CTNND2: variants seen among roughly 807,000 people sequenced by gnomAD.
CTNND2 encodes the protein catenin delta 2.
In CTNND2, 22 loss-of-function variants were observed where a neutral mutation model predicts 144.4. The observed-to-expected ratio is 0.15, with a 90% CI of 0.11 to 0.22. CTNND2 has a LOEUF of 0.22. Among genes scored for constraint, CTNND2 ranks in the 10% least tolerant of loss-of-function variants. The pLI, the probability that CTNND2 is intolerant of heterozygous loss-of-function variation, is 1.00. For synonymous variants in CTNND2, 751 were observed against 695.6 expected, an observed-to-expected ratio of 1.08 and a Z score of -1.25; for missense variants, 1,353 against 1,618.8, an observed-to-expected ratio of 0.84 and a Z score of 2.82.
At chr5:11,332,348 G>T (rs1020067484) in intron 9 of CTNND2, among the ~76,000 whole-genome samples, 15 of 151,822 alleles carry the variant, frequency 9.9e-5, no homozygotes, top group African/African-American at 3.4e-4. Context: ...GAAAGGATCA[G>T]GATCCATGAG....
intron 1 of CTNND2, among the ~76,000 whole-genome samples, chr5:11,844,613 T>C (rs2126990269): frequency 6.6e-6 from 1 of 152,020 alleles, no homozygotes; most frequent in South Asian, 2.1e-4. Flanking sequence ...TTCTGGCATA[T>C]CCCAGAACTC....
intron 1 of CTNND2, among the ~76,000 whole-genome samples, chr5:11,898,012 C>T (rs1412096204): frequency 6.6e-6 from 1 of 152,176 alleles, no homozygotes; most frequent in Non-Finnish European, 1.5e-5. Context: ...GGAGATCATC[C>T]TCCCTGCAGA....
At chr5:11,148,938 AC>A (rs1307849285) in intron 12 of CTNND2, among the ~76,000 whole-genome samples, 1 of 152,220 alleles carries the variant, frequency 6.6e-6, no homozygotes, top group Non-Finnish European at 1.5e-5. Flanking sequence ...CTTAGGAGTG[AC>A]AGGGGTCAAG....
At chr5:11,624,379 A>T (rs934331320) in intron 2 of CTNND2, among the ~76,000 whole-genome samples, 1 of 152,166 alleles carries the variant, frequency 6.6e-6, no homozygotes, top group African/African-American at 2.4e-5. Context: ...AAAGAGGAAC[A>T]TGTGAAATGT....
intron 5 of CTNND2, among the ~76,000 whole-genome samples, chr5:11,410,045 C>T (rs566314660): frequency 2.0e-4 from 30 of 152,090 alleles, no homozygotes; most frequent in African/African-American, 7.0e-4. Flanking sequence ...CTATCATCTC[C>T]CCGTTTCCCA....
rs1325752474 is a variant in CTNND2 at position 11,104,631 on chromosome 5, T to C, written c.2464-5883A>G. 5.9e-5 allele frequency among the ~76,000 whole-genome samples: 9 copies of C among 152,152 alleles called. 1 individual carries two copies. Among genetic ancestry groups the C allele is most frequent in the Admixed American group, 5.9e-4 (9 of 15,280 alleles). ...ACTGTAAAAAGCCAGCGAGAAATGA[T>C]TCTTTGTGTTGATTCTTAGGAATTT... is the stretch of plus-strand genomic sequence containing the variant. On this transcript the variant is annotated intron_variant, in intron 14 of 21. Coordinates refer to ENST00000304623, the MANE Select transcript of CTNND2 (RefSeq NM_001332.4).
rs530514303 is a variant in CTNND2, at chr5:11,374,318, CAA to C, written c.1178-9430_1178-9429del. 6.1e-4 allele frequency among the ~76,000 whole-genome samples: 93 copies of C among 152,254 alleles called. No homozygotes were observed. The East Asian group carries it at 0.017, about 28-fold the overall frequency. On this transcript the variant is annotated intron_variant, in intron 7 of 21. Transcript: ENST00000304623. The stretch of plus-strand genomic sequence containing the variant: ...ACATAACTTGACATCAGACTTGTAA[CAA>C]AAGTCTTTTGACATGAGCATGTAAA...
rs111918321 is a variant in CTNND2, at chr5:11,304,318, CCACA to C, written c.1628+42050_1628+42053del. 2.1e-3 allele frequency among the ~76,000 whole-genome samples: 306 copies of C among 148,388 alleles called. 5 individuals are homozygous for C. The South Asian group carries it at 0.045, about 22-fold the overall frequency. On this transcript the variant is annotated intron_variant, in intron 9 of 21. Coordinates refer to ENST00000304623, the MANE Select transcript of CTNND2 (RefSeq NM_001332.4). Reference sequence around the variant, plus strand: ...CATAAATGCATTACACACGGACACACCACACACACACACACACACACTCTTTCTC... The same window carrying C: ...CATAAATGCATTACACACGGACACACCACACACACACACACACTCTTTCTC...
At chr5:11,291,592 T>C (rs1411497032) in intron 9 of CTNND2, among the ~76,000 whole-genome samples, 4 of 152,154 alleles carry the variant, frequency 2.6e-5, no homozygotes, top group African/African-American at 9.7e-5. Context: ...GGCAGGGAAC[T>C]AAACTTAAAG....
chr5:11,294,770 C>A (rs896558374), intron 9 of CTNND2, among the ~76,000 whole-genome samples: 15 of 152,094 alleles, frequency 9.9e-5, no homozygotes, highest in Non-Finnish European at 1.8e-4. Context: ...AGGCCTTTGA[C>A]AAAATTCAAC....
intron 3 of CTNND2, among the ~76,000 whole-genome samples, chr5:11,481,962 ATCTT>A (rs2149977259): frequency 6.6e-6 from 1 of 152,256 alleles, no homozygotes; most frequent in African/African-American, 2.4e-5. Flanking sequence ...CCTTTGCACA[ATCTT>A]TTGCAAAGAA....
At chr5:11,007,423 G>A (rs1740600061) in intron 18 of CTNND2, among the ~76,000 whole-genome samples, 1 of 152,246 alleles carries the variant, frequency 6.6e-6, no homozygotes, top group Non-Finnish European at 1.5e-5. Flanking sequence ...GGAACTGTGA[G>A]TTCACTCAGC....
intron 9 of CTNND2, among the ~76,000 whole-genome samples, chr5:11,322,815 A>G (rs1368272831): frequency 6.6e-6 from 1 of 152,202 alleles, no homozygotes; most frequent in Non-Finnish European, 1.5e-5. Flanking sequence ...AAATAAATAC[A>G]TTTAAAGAGA....
chr5:11,826,597 G>A (rs1364492087), intron 1 of CTNND2, among the ~76,000 whole-genome samples: 3 of 151,488 alleles, frequency 2.0e-5, no homozygotes, highest in African/African-American at 7.3e-5. Flanking sequence ...AATCTAATAT[G>A]GTCAACATAA....
At chr5:11,525,593 C>T (rs147471110) in intron 3 of CTNND2, among the ~76,000 whole-genome samples, 28 of 152,268 alleles carry the variant, frequency 1.8e-4, no homozygotes, top group Middle Eastern at 3.4e-3. Flanking sequence ...AGTTAAAAAG[C>T]GTTCATTGTC....
rs529572839 is a variant in CTNND2, at chr5:11,891,890, G to T, written c.37+11927C>A. On this transcript the variant is annotated intron_variant, in intron 1 of 21. Transcript: ENST00000304623. Reference sequence around the variant, plus strand: ...TTTTCTGAACTTCTGAGATGACAGGGAATATAGTATGTTATTAAATTTGGA... The same window carrying T: ...TTTTCTGAACTTCTGAGATGACAGGTAATATAGTATGTTATTAAATTTGGA... 3.3e-5 allele frequency among the ~76,000 whole-genome samples: 5 copies of T among 152,272 alleles called. No individual in the cohort carries two copies. The South Asian group carries it at 1.0e-3, about 32-fold the overall frequency.
chr5:11,461,595 AATGTGGTTGACCT>A (rs1766229908), intron 3 of CTNND2, among the ~76,000 whole-genome samples: 1 of 152,262 alleles, frequency 6.6e-6, no homozygotes, highest in Middle Eastern at 3.4e-3. Context: ...CTGTCCCTTC[AATGTGGTTGACCT>A]ATGCATCTTG....
At chr5:11,818,364 T>C (rs1793129192) in intron 1 of CTNND2, among the ~76,000 whole-genome samples, 1 of 151,956 alleles carries the variant, frequency 6.6e-6, no homozygotes, top group Non-Finnish European at 1.5e-5. Context: ...CTGGCTCCTG[T>C]ATATGCGTTT....
At chr5:11,007,999 T>C (rs1376471858) in intron 18 of CTNND2, among the ~76,000 whole-genome samples, 2 of 152,198 alleles carry the variant, frequency 1.3e-5, no homozygotes, top group African/African-American at 4.8e-5. Context: ...CTCTTTTCCA[T>C]TCCAGTTGTT....
Sources: allele counts gnomAD v4.1 joint callset (sites outside exome capture counted in the v4.1 genomes callset), GRCh38; gene constraint gnomAD v4.1.1; transcripts MANE v1.5; gene names NCBI Gene and HGNC (gene_info 2026-07-23, HGNC 2026-07-21).